The following RANBP2 variants were observed in gnomAD, a reference collection of about 807,000 sequenced individuals.
The protein encoded by RANBP2 is RAN binding protein 2.
Under a neutral mutation model 303.6 loss-of-function variants are expected in RANBP2, and 57 were observed. The ratio of observed to expected loss-of-function variants is 0.19; its 90% CI spans 0.15 to 0.23. RANBP2 has a LOEUF of 0.23. RANBP2 is among the 10% of genes least tolerant of loss of function. The probability of loss-of-function intolerance (pLI) is 1.00; values close to 1 mark genes in which losing one functional copy is unlikely to be tolerated. For missense variants in RANBP2, 3,138 were observed against 3,780.8 expected (o/e 0.83, Z 4.46); for synonymous variants, 1,167 against 1,301.5 (o/e 0.90, Z 2.23).
chr2:109,360,274 A>G, the RANBP2 span, among the ~76,000 whole-genome samples: 1 of 152,118 alleles, frequency 6.6e-6, no homozygotes, highest in East Asian at 1.9e-4. Context: ...CTAAATACTT[A>G]TGTGTGAATA....
At chr2:108,929,306 C>T in the RANBP2 span, 1 of 1,614,048 alleles carries the variant, frequency 6.2e-7, no homozygotes, top group African/African-American at 1.3e-5. Context: ...TATCTGGTAG[C>T]CTCCTTTGGA....
the RANBP2 span, among the ~76,000 whole-genome samples, chr2:109,213,309 A>G: frequency 6.6e-6 from 1 of 152,164 alleles, no homozygotes; most frequent in Non-Finnish European, 1.5e-5. Flanking sequence ...CCATAGCATA[A>G]GGCTATGTGT....
the RANBP2 span, among the ~76,000 whole-genome samples, chr2:109,150,769 C>A: frequency 6.6e-6 from 1 of 152,046 alleles, no homozygotes; most frequent in African/African-American, 2.4e-5. Flanking sequence ...GTTCTGATCT[C>A]CTCAAATCTC....
the RANBP2 span, among the ~76,000 whole-genome samples, chr2:108,872,351 A>G: frequency 2.0e-4 from 30 of 152,192 alleles, no homozygotes; most frequent in African/African-American, 6.3e-4. Flanking sequence ...CACCACATAC[A>G]CATACCTCGG....
At chr2:108,976,543 T>C in the RANBP2 span, among the ~76,000 whole-genome samples, 1 of 152,200 alleles carries the variant, frequency 6.6e-6, no homozygotes, top group South Asian at 2.1e-4. Flanking sequence ...AGTTATCCGT[T>C]TAACCTCCTC....
At chr2:109,019,172 C>G in the RANBP2 span, among the ~76,000 whole-genome samples, 2 of 152,220 alleles carry the variant, frequency 1.3e-5, no homozygotes, top group Non-Finnish European at 2.9e-5. Context: ...ACTGCACAAC[C>G]GACCCGTGCC....
the RANBP2 span, among the ~76,000 whole-genome samples, chr2:109,063,186 G>A: frequency 6.6e-6 from 1 of 152,194 alleles, no homozygotes; most frequent in African/African-American, 2.4e-5. Context: ...CCTGGGCTCT[G>A]AGTGAGACCT....
At chr2:108,912,172 TGAGA>T in the RANBP2 span, among the ~76,000 whole-genome samples, 19 of 151,950 alleles carry the variant, frequency 1.3e-4, no homozygotes, top group African/African-American at 4.4e-4. Context: ...ACTAAACCAG[TGAGA>T]GAGAAAGGCC....
At chr2:109,101,728 A>G in the RANBP2 span, among the ~76,000 whole-genome samples, 1 of 152,194 alleles carries the variant, frequency 6.6e-6, no homozygotes, top group Non-Finnish European at 1.5e-5. Context: ...AAAAGGACAG[A>G]GCAACAGGAG....
At chr2:108,811,247 C>T in the RANBP2 span, among the ~76,000 whole-genome samples, 87,934 of 114,174 alleles carry the variant, frequency 0.77, 33,992 homozygotes, top group East Asian at 0.93. Context: ...TTCTCTCTCT[C>T]TTTTTTTTTT....
At chr2:109,437,340 G>A in the RANBP2 span, among the ~76,000 whole-genome samples, 3 of 151,914 alleles carry the variant, frequency 2.0e-5, no homozygotes, top group African/African-American at 4.8e-5. Flanking sequence ...TATGGGGTGG[G>A]CCTTAAAGGC....
chr2:109,123,132 TG>T, the RANBP2 span, among the ~76,000 whole-genome samples: 2 of 151,490 alleles, frequency 1.3e-5, no homozygotes, highest in Non-Finnish European at 2.9e-5. Flanking sequence ...CAGAGAGGAG[TG>T]GTGAATGCGT....
Position 108,782,308 on chromosome 2 carries a change from G to A in RANBP2, c.8941G>A (p.Val2981Met). The A allele has an allele frequency of 6.2e-7, 1 of 1,614,144 alleles. No homozygotes were observed. The highest frequency in any genetic ancestry group is 8.5e-7 in the Non-Finnish European group (1 of 1,179,998). ...ILMRRDQVFKVCANHVITKTM... is the reference protein window; with the variant it reads ...ILMRRDQVFKMCANHVITKTM... ...AATGAGAAGAGACCAGGTTTTTAAA[G>A]TGTGTGCAAACCACGTTATTACTAA... is the stretch of plus-strand genomic sequence containing the variant. Residue 2981 changes from valine to methionine, a missense_variant, in exon 27 of 29, where the codon GTG (valine) becomes ATG (methionine). By Grantham distance (21) the Val-to-Met change is conservative. Coordinates refer to ENST00000283195, the MANE Select transcript of RANBP2 (RefSeq NM_006267.5).
the RANBP2 span, among the ~76,000 whole-genome samples, chr2:109,416,260 C>T: frequency 6.6e-6 from 1 of 152,068 alleles, no homozygotes; most frequent in African/African-American, 2.4e-5. Context: ...GTGTAAGGGG[C>T]CTGTGCACGC....
the RANBP2 span, among the ~76,000 whole-genome samples, chr2:109,190,717 G>C: frequency 6.6e-6 from 1 of 152,154 alleles, no homozygotes; most frequent in East Asian, 1.9e-4. Flanking sequence ...AATTTGCTAG[G>C]TGTTGGGTGT....
At chr2:108,833,894 ATTT>A in the RANBP2 span, among the ~76,000 whole-genome samples, 2 of 79,242 alleles carry the variant, frequency 2.5e-5, no homozygotes, top group African/African-American at 1.0e-4. Context: ...CGCCCGGCTA[ATTT>A]TTTTTTTTTT....
At chr2:108,759,160 A>G (rs1368263076) in intron 18 of RANBP2, among the ~76,000 whole-genome samples, 1 of 151,764 alleles carries the variant, frequency 6.6e-6, no homozygotes, top group African/African-American at 2.4e-5. Flanking sequence ...GTATACAGTA[A>G]ACAGTTAATG....
chr2:108,999,842 C>G, the RANBP2 span, among the ~76,000 whole-genome samples: 4 of 152,100 alleles, frequency 2.6e-5, no homozygotes, highest in Non-Finnish European at 2.9e-5. Context: ...TTCTGACTTT[C>G]CATCAGTGGC....
chr2:109,089,881 A>T, the RANBP2 span, among the ~76,000 whole-genome samples: 1 of 152,196 alleles, frequency 6.6e-6, no homozygotes, highest in African/African-American at 2.4e-5. Flanking sequence ...ACTGGGTCTG[A>T]TTCAGAAGGG....
Sources: gnomAD v4.1 joint callset for allele counts (sites outside exome capture counted in the v4.1 genomes callset) on GRCh38, gnomAD v4.1.1 for gene constraint, MANE v1.5 for transcripts, NCBI Gene and HGNC (gene_info 2026-07-23, HGNC 2026-07-21) for gene names.